Variants in MORC1 observed in about 807,000 individuals in gnomAD.
MORC1 encodes MORC family CW-type zinc finger 1, also known as MORC family CW-type zinc finger protein 1.
In MORC1, 59 loss-of-function variants were observed where a neutral mutation model predicts 134.9. The observed-to-expected ratio is 0.44, with a 90% CI of 0.35 to 0.54. The LOEUF (loss-of-function observed/expected upper bound fraction) is 0.54. MORC1 is among the 20% of genes least tolerant of loss of function. The probability of loss-of-function intolerance (pLI) is 0.00; values close to 1 mark genes in which losing one functional copy is unlikely to be tolerated. For synonymous variants in MORC1, 395 were observed against 391.7 expected (o/e 1.01, Z -0.10); for missense variants, 947 against 1,134.5 (o/e 0.83, Z 2.37).
chr3:109,110,028 A>T (rs1951127737), intron 3 of MORC1: 1 of 152,192 alleles, frequency 6.6e-6, no homozygotes, highest in Non-Finnish European at 1.5e-5. Flanking sequence ...TTCCTCAGTT[A>T]TCTCAAGAGG....
At chr3:109,051,888 G>A (rs531980765) in intron 14 of MORC1, among the ~76,000 whole-genome samples, 2 of 151,936 alleles carry the variant, frequency 1.3e-5, no homozygotes, top group East Asian at 3.9e-4. Context: ...CCAAGCAAAG[G>A]GGCTTCGAGA....
chr3:108,977,917 A>G (rs1207749071), intron 24 of MORC1, among the ~76,000 whole-genome samples: 2 of 152,058 alleles, frequency 1.3e-5, no homozygotes, highest in Non-Finnish European at 1.5e-5. Flanking sequence ...TTGCTCTGTC[A>G]CCCAGGCTGG....
At chr3:108,986,821 G>A (rs1019833834) in intron 22 of MORC1, 59 bp downstream of exon 22, 4 of 1,206,992 alleles carry the variant, frequency 3.3e-6, no homozygotes, top group African/African-American at 3.2e-5. Flanking sequence ...AAGCCATATT[G>A]AAAATGTCTC....
At chr3:109,027,153 A>C (rs958390089) in intron 17 of MORC1, among the ~76,000 whole-genome samples, 20 of 152,226 alleles carry the variant, frequency 1.3e-4, no homozygotes, top group African/African-American at 3.9e-4. Context: ...AAAAATGATG[A>C]ATTTATGTGC....
At chr3:109,079,500 A>G (rs952430211) in intron 8 of MORC1, among the ~76,000 whole-genome samples, 45 of 152,146 alleles carry the variant, frequency 3.0e-4, no homozygotes, top group African/African-American at 1.1e-3. Context: ...AACTGAAAAT[A>G]CATTTCTCAA....
intron 18 of MORC1, among the ~76,000 whole-genome samples, chr3:109,006,750 T>C (rs1258904895): frequency 1.3e-5 from 2 of 152,208 alleles, no homozygotes; most frequent in African/African-American, 2.4e-5. Context: ...TATATGTATA[T>C]ATCCCTAGAA....
At chr3:109,109,135 A>T (rs527423227) in intron 3 of MORC1, among the ~76,000 whole-genome samples, 21 of 152,162 alleles carry the variant, frequency 1.4e-4, no homozygotes, top group African/African-American at 4.8e-4. Flanking sequence ...CTTGTGTGTT[A>T]GCTATTTAAA....
intron 8 of MORC1, among the ~76,000 whole-genome samples, chr3:109,075,292 T>G (rs1419951572): frequency 6.6e-6 from 1 of 152,138 alleles, no homozygotes; most frequent in Non-Finnish European, 1.5e-5. Context: ...AGGAAGACTA[T>G]TAATAGTGTG....
At chr3:109,111,993 TC>T (rs2107805347) in intron 2 of MORC1, among the ~76,000 whole-genome samples, 1 of 152,324 alleles carries the variant, frequency 6.6e-6, no homozygotes, top group Non-Finnish European at 1.5e-5. Context: ...TCTCTTCCGA[TC>T]CTTACCATAG....
chr3:109,057,259 A>G (rs1487833029), intron 13 of MORC1, 84 bp downstream of exon 13: 2 of 1,373,366 alleles, frequency 1.5e-6, no homozygotes, highest in South Asian at 1.6e-5. Context: ...CATTGTGATT[A>G]GTCACTCATC....
At chr3:109,037,388 C>T (rs1949403312) in intron 14 of MORC1, among the ~76,000 whole-genome samples, 1 of 152,196 alleles carries the variant, frequency 6.6e-6, no homozygotes, top group Non-Finnish European at 1.5e-5. Flanking sequence ...GTACTACTCC[C>T]TGGTATCTAG....
intron 14 of MORC1, among the ~76,000 whole-genome samples, chr3:109,052,901 A>C (rs770734912): frequency 3.9e-5 from 6 of 152,168 alleles, no homozygotes; most frequent in Non-Finnish European, 7.3e-5. Context: ...AGAATCTATA[A>C]GGAACTTAAA....
At chr3:109,051,543 G>A (rs921172) in intron 14 of MORC1, among the ~76,000 whole-genome samples, 64,264 of 151,892 alleles carry the variant, frequency 0.42, 14,288 homozygotes, top group Middle Eastern at 0.55. Flanking sequence ...AGTGAAATAT[G>A]TGAATAAATA....
chr3:109,079,249 T>A (rs561431989), intron 8 of MORC1, among the ~76,000 whole-genome samples: 26 of 152,204 alleles, frequency 1.7e-4, no homozygotes, highest in African/African-American at 6.0e-4. Flanking sequence ...AACACAGTCA[T>A]GTAAAAGAAT....
At chr3:109,071,334 T>C (rs796848766) in intron 8 of MORC1, among the ~76,000 whole-genome samples, 2 of 152,042 alleles carry the variant, frequency 1.3e-5, no homozygotes, top group Non-Finnish European at 2.9e-5. Flanking sequence ...CACACACACA[T>C]ATATGTGTGT....
intron 8 of MORC1, among the ~76,000 whole-genome samples, chr3:109,075,753 T>G (rs1004607331): frequency 3.3e-5 from 5 of 152,166 alleles, no homozygotes; most frequent in African/African-American, 1.2e-4. Context: ...TTGTTCTTTT[T>G]GCCTAGGATT....
chr3:108,971,695 C>A (rs1159034308), intron 24 of MORC1, among the ~76,000 whole-genome samples: 1 of 151,952 alleles, frequency 6.6e-6, no homozygotes, highest in Admixed American at 6.6e-5. Flanking sequence ...TGATTCTGTT[C>A]CAGAGTTTTG....
chr3:108,988,266 A>G (rs578039306), intron 21 of MORC1, among the ~76,000 whole-genome samples: 1 of 152,204 alleles, frequency 6.6e-6, no homozygotes, highest in South Asian at 2.1e-4. Flanking sequence ...TTTCACCTAA[A>G]TCAAGAGCAA....
At chr3:109,048,145 T>A (rs1949739843) in intron 14 of MORC1, among the ~76,000 whole-genome samples, 1 of 152,168 alleles carries the variant, frequency 6.6e-6, no homozygotes, top group African/African-American at 2.4e-5. Flanking sequence ...CTGGTTTTCT[T>A]ACAAATAAAC....
Sources: allele counts gnomAD v4.1 joint callset (sites outside exome capture counted in the v4.1 genomes callset), GRCh38; gene constraint gnomAD v4.1.1; transcripts MANE v1.5; gene names NCBI Gene and HGNC (gene_info 2026-07-23, HGNC 2026-07-21).